SLC35B1: variants seen among roughly 807,000 people sequenced by gnomAD.
SLC35B1 encodes the protein solute carrier family 35 member B1.
Under a neutral mutation model 36.6 loss-of-function variants are expected in SLC35B1, and 27 were observed. The observed-to-expected ratio is 0.74, with a 90% CI of 0.54 to 1.02. SLC35B1 has a LOEUF of 1.02. Ranked by LOEUF, SLC35B1 falls within the 50% of genes least tolerant of loss-of-function variation. The probability of loss-of-function intolerance (pLI) is 0.00; values close to 1 mark genes in which losing one functional copy is unlikely to be tolerated. For synonymous variants in SLC35B1, 162 were observed against 152.5 expected, an observed-to-expected ratio of 1.06 and a Z score of -0.46; for missense variants, 321 against 383.2, an observed-to-expected ratio of 0.84 and a Z score of 1.35.
chr17:49,707,679 C>A, intron 1 of SLC35B1, 51 bp downstream of exon 1: 4 of 1,584,096 alleles, frequency 2.5e-6, no homozygotes, highest in South Asian at 1.1e-5. Context: ...GGCCCGGGAT[C>A]CCTGTCACAG....
chr17:49,702,926 G>A lies in SLC35B1; in HGVS notation c.848C>T (p.Ala283Val). Reference sequence around the variant, plus strand: ...GGGATTGGCGAAGAGGATCACAGAGGCCAAAATTGTGAAGAACTTTCGAGT... The same window carrying A: ...GGGATTGGCGAAGAGGATCACAGAGACCAAAATTGTGAAGAACTTTCGAGT... ...TTTRKFFTIL[A>V]SVILFANPIS... Residue 283 changes from alanine (A) to valine (V), a missense_variant, in exon 8 of 9, where the codon GCC (alanine) becomes GTC (valine). Coordinates refer to ENST00000240333, the MANE Select transcript of SLC35B1 (RefSeq NM_005827.4). The A allele has an allele frequency of 1.2e-6, 2 of 1,614,104 alleles. No homozygotes were observed. Among genetic ancestry groups the A allele is most frequent in the Non-Finnish European group, 1.7e-6 (2 of 1,180,016 alleles).
At chr17:49,707,121 T>C in intron 1 of SLC35B1, 53 bp from the exon 2 acceptor site, 1 of 1,470,048 alleles carries the variant, frequency 6.8e-7, no homozygotes, top group East Asian at 2.3e-5. Flanking sequence ...TTTCACTCAC[T>C]GTCATCTAAT....
At chr17:49,707,655 G>T in intron 1 of SLC35B1, 75 bp downstream of exon 1, 1 of 1,532,418 alleles carries the variant, frequency 6.5e-7, no homozygotes, top group South Asian at 1.2e-5. Context: ...GAAAGCCCGG[G>T]TCCAGAGGCA....
At chr17:49,705,078 G>A in intron 5 of SLC35B1, 46 bp downstream of exon 5, 1 of 1,604,550 alleles carries the variant, frequency 6.2e-7, no homozygotes, top group East Asian at 2.2e-5. Context: ...CTATCCTTTG[G>A]TTAAGTTTGC....
At position 49,706,300 on chromosome 17, in the gene SLC35B1, A is replaced by G. The variant is rs781150911; in HGVS notation, c.243T>C (p.Arg81=). Reference sequence around the variant, plus strand: ...AGGCAGCATAGAGCCAGCTCCGGGTACGATCCACCCTGGCAGTGTCAAAAA... The same window carrying G: ...AGGCAGCATAGAGCCAGCTCCGGGTGCGATCCACCCTGGCAGTGTCAAAAA... The part of the protein sequence containing the change: ...IQFFDTARVD[R]TRSWLYAACS... Residue 81 remains arginine (R), a synonymous_variant, in exon 3 of 9, where the codon CGT becomes CGC. Transcript: ENST00000240333. 1 of 1,531,404 alleles carries G rather than the reference A, an allele frequency of 6.5e-7. No individual in the cohort carries two copies. The allele number at this position is 1,531,404 out of a possible 1,614,324, so 94.9% of individuals were successfully genotyped here.
intron 3 of SLC35B1, 82 bp downstream of exon 3, chr17:49,706,122 T>TTAA: frequency 1.6e-4 from 201 of 1,239,224 alleles, no homozygotes; most frequent in Middle Eastern, 4.2e-4. Context: ...TTTTTTTTTT[T>TTAA]AACTCACAGA....
chr17:49,706,876 C>A, intron 2 of SLC35B1, 89 bp downstream of exon 2: 1 of 924,734 alleles, frequency 1.1e-6, no homozygotes, highest in South Asian at 1.3e-5. Flanking sequence ...ATGAGTTAGC[C>A]TTTAAGGTTG....
chr17:49,704,019 C>A (rs1683027919), intron 6 of SLC35B1, 81 bp downstream of exon 6: 3 of 1,594,366 alleles, frequency 1.9e-6, no homozygotes, highest in Admixed American at 1.7e-5. Flanking sequence ...GTCTGGGCAA[C>A]TAACAGCTAG....
Position 49,706,192 on chromosome 17 carries a change from C to T in SLC35B1, c.339+12G>A. The T allele has an allele frequency of 6.3e-7, 1 of 1,596,104 alleles. No individual in the cohort carries two copies. Among genetic ancestry groups the T allele is most frequent in the Non-Finnish European group, 8.5e-7 (1 of 1,175,140 alleles). On this transcript the variant is annotated intron_variant, in intron 3 of 8. Transcript: ENST00000240333. ...TATCTGAGCCAACCATCATCCCACC[C>T]TGAGGTTTCACCTGAGTTGGGTAGT...
At chr17:49,706,122 T>TTTAAAAAA in intron 3 of SLC35B1, 82 bp downstream of exon 3, 2 of 1,239,688 alleles carry the variant, frequency 1.6e-6, no homozygotes, top group Non-Finnish European at 2.2e-6. Flanking sequence ...TTTTTTTTTT[T>TTTAAAAAA]AACTCACAGA....
At chr17:49,701,819 G>A (rs1009831794) in intron 8 of SLC35B1, 5 of 341,798 alleles carry the variant, frequency 1.5e-5, no homozygotes, top group Non-Finnish European at 2.3e-5. Flanking sequence ...GCTGAATGTG[G>A]TGACTCACAC....
intron 1 of SLC35B1, chr17:49,707,428 G>T (rs780217908): frequency 6.9e-7 from 1 of 1,452,054 alleles, no homozygotes. Context: ...AGTACCAAAA[G>T]GGGGCCGACT....
chr17:49,707,606 G>A lies in SLC35B1; in HGVS notation c.104+124C>T, dbSNP rs201611491. 142 of 1,448,966 alleles carry A rather than the reference G, an allele frequency of 9.8e-5. 2 individuals are homozygous for A. In the East Asian group the frequency reaches 3.3e-3, roughly 34 times the overall value. 89.8% of individuals were successfully genotyped at this position (1,448,966 alleles called of 1,614,324 possible). ...CTCAGCCATAGCTGCAAAAGTAGTAGGGTGCTAAGAGGGCGACAGCCGGGC... is the reference window on the plus strand; with the variant it reads ...CTCAGCCATAGCTGCAAAAGTAGTAAGGTGCTAAGAGGGCGACAGCCGGGC... On this transcript the variant is annotated intron_variant, in intron 1 of 8. Coordinates refer to ENST00000240333, the MANE Select transcript of SLC35B1 (RefSeq NM_005827.4).
At chr17:49,705,000 G>A (rs2073397098) in intron 5 of SLC35B1, 124 bp downstream of exon 5, 1 of 881,940 alleles carries the variant, frequency 1.1e-6, no homozygotes, top group Admixed American at 2.2e-5. Flanking sequence ...GCAAAGAGCA[G>A]ATATGGGGAC....
chr17:49,703,137 G>A (rs1190029366), intron 7 of SLC35B1, 51 bp downstream of exon 7: 2 of 1,585,752 alleles, frequency 1.3e-6, no homozygotes, highest in Non-Finnish European at 8.7e-7. Flanking sequence ...CTTTCTTAGG[G>A]AACCAGCTGC....
In SLC35B1 at chr17:49,707,888, C is replaced by A; in HGVS notation, c.-55G>T. Reference sequence around the variant, plus strand: ...CGCTCACAACCGGCACCGGCAGCAGCGGCGGCGGAGGCGACAGCTCCAGCC... The same window carrying A: ...CGCTCACAACCGGCACCGGCAGCAGAGGCGGCGGAGGCGACAGCTCCAGCC... On this transcript the variant is annotated 5_prime_UTR_variant, in exon 1 of 9. Coordinates refer to ENST00000240333, the MANE Select transcript of SLC35B1 (RefSeq NM_005827.4). 1.2e-6 allele frequency: 2 copies of A among 1,602,934 alleles called. No homozygotes were observed. Among genetic ancestry groups the A allele is most frequent in the Non-Finnish European group, 1.7e-6 (2 of 1,175,536 alleles).
Position 49,707,085 on chromosome 17 carries a change from T to C in SLC35B1, c.105-17A>G. On this transcript the variant is annotated splice_polypyrimidine_tract_variant and intron_variant, in intron 1 of 8. Coordinates refer to ENST00000240333, the MANE Select transcript of SLC35B1 (RefSeq NM_005827.4). ...CCTCTTGTTCTAGAAATGAAATGCA[T>C]GAGAAAAGAGGGAGAAATTAGTGTA... The C allele has an allele frequency of 6.3e-7, 1 of 1,588,796 alleles. No homozygotes were observed. The highest frequency in any genetic ancestry group is 1.7e-5 in the Admixed American group (1 of 59,936).
intron 6 of SLC35B1, 128 bp downstream of exon 6, chr17:49,703,972 G>A (rs182173379): frequency 1.7e-5 from 22 of 1,286,434 alleles, no homozygotes; most frequent in Non-Finnish European, 2.2e-5. Flanking sequence ...TCAAGGGCTT[G>A]AACAAAAGGG....
intron 3 of SLC35B1, 99 bp downstream of exon 3, chr17:49,706,105 T>C: frequency 3.9e-6 from 3 of 765,064 alleles, no homozygotes; most frequent in South Asian, 7.4e-5. Flanking sequence ...CCGTTATCTT[T>C]TTTTTTTTTT....
Sources: gnomAD v4.1 joint callset for allele counts on GRCh38, gnomAD v4.1.1 for gene constraint, MANE v1.5 for transcripts, NCBI Gene and HGNC (gene_info 2026-07-23, HGNC 2026-07-21) for gene names.